TMEM177: variants seen among roughly 807,000 people sequenced by gnomAD.
TMEM177 encodes the protein transmembrane protein 177.
Under a neutral mutation model 14.2 loss-of-function variants are expected in TMEM177, and 4 were observed. That is an observed-to-expected ratio of 0.28 (90% CI 0.14 to 0.64). The LOEUF is 0.64. Among genes scored for constraint, TMEM177 ranks in the 30% least tolerant of loss-of-function variants. The probability of loss-of-function intolerance (pLI) is 0.82; values close to 1 mark genes in which losing one functional copy is unlikely to be tolerated. For missense variants in TMEM177, 344 were observed against 405.2 expected, an observed-to-expected ratio of 0.85 and a Z score of 1.30; for synonymous variants, 179 against 174.5, an observed-to-expected ratio of 1.03 and a Z score of -0.20.
At chr2:119,688,099 T>C (rs1272156853), downstream of TMEM177, among the ~76,000 whole-genome samples, 1 of 152,190 alleles carries the variant, frequency 6.6e-6, no homozygotes, top group African/African-American at 2.4e-5. Flanking sequence ...AGTATCCACT[T>C]GTTGAACATT....
the TMEM177 span, among the ~76,000 whole-genome samples, chr2:119,719,394 AGGCCAGG>A: frequency 6.6e-6 from 1 of 152,194 alleles, no homozygotes; most frequent in Admixed American, 6.5e-5. Context: ...AACCTCCCCA[AGGCCAGG>A]GGCTCAAGGA....
At chr2:119,704,175 C>A in the TMEM177 span, among the ~76,000 whole-genome samples, 1 of 152,194 alleles carries the variant, frequency 6.6e-6, no homozygotes, top group African/African-American at 2.4e-5. Flanking sequence ...CTAATAATGT[C>A]TCCATGGAAG....
chr2:119,688,349 A>C (rs1305856991), downstream of TMEM177, among the ~76,000 whole-genome samples: 1 of 152,226 alleles, frequency 6.6e-6, no homozygotes, highest in Admixed American at 6.5e-5. Context: ...ATTTACGGTC[A>C]CGCATCACTT....
the TMEM177 span, among the ~76,000 whole-genome samples, chr2:119,696,701 A>T: frequency 2.6e-5 from 4 of 152,190 alleles, no homozygotes; most frequent in Non-Finnish European, 4.4e-5. Context: ...GTGACGATGG[A>T]GCAAAGAGGA....
At chr2:119,719,822 C>T in the TMEM177 span, among the ~76,000 whole-genome samples, 1 of 152,174 alleles carries the variant, frequency 6.6e-6, no homozygotes, top group Admixed American at 6.5e-5. Flanking sequence ...GAGACAGTAT[C>T]TCACTCTGTC....
At position 119,681,273 on chromosome 2, in the gene TMEM177, A is replaced by G; in HGVS notation, c.420A>G (p.Arg140=). 6.2e-7 allele frequency: 1 copy of G among 1,614,206 alleles called. No individual in the cohort carries two copies. The highest frequency in any genetic ancestry group is 2.2e-5 in the East Asian group (1 of 44,870). The change falls in exon 2 of 2, where the codon AGA becomes AGG. Residue 140 remains arginine, a synonymous_variant. Transcript: ENST00000272521. The stretch of plus-strand genomic sequence containing the variant: ...GGAGCCCAGCAGGCGCCCGGCTGAG[A>G]GCTTCCCTGACCTTGTCCCGTGAAG... ...DWRSPAGARL[R]ASLTLSREAQ... is the part of the protein sequence containing the mutation.
intron 1 of TMEM177, 97 bp from the exon 2 acceptor site, chr2:119,680,735 G>A (rs1688872348): frequency 1.1e-6 from 1 of 902,114 alleles, no homozygotes; most frequent in Non-Finnish European, 1.7e-6. Context: ...ACTATGCTGT[G>A]TTACTTTGGT....
chr2:119,701,896 G>T, the TMEM177 span, among the ~76,000 whole-genome samples: 1 of 152,204 alleles, frequency 6.6e-6, no homozygotes, highest in African/African-American at 2.4e-5. Context: ...GTTCCTGGGT[G>T]GGACAGCAGA....
At chr2:119,683,810 C>T (rs1009205470), downstream of TMEM177, among the ~76,000 whole-genome samples, 3 of 152,200 alleles carry the variant, frequency 2.0e-5, no homozygotes, top group African/African-American at 4.8e-5. Flanking sequence ...CTGCACTGTT[C>T]GCATCCTCCA....
the TMEM177 span, among the ~76,000 whole-genome samples, chr2:119,696,391 G>A: frequency 6.6e-6 from 1 of 152,110 alleles, no homozygotes; most frequent in African/African-American, 2.4e-5. Context: ...CACGGTGTGG[G>A]GGCAGTGCTT....
chr2:119,681,425 TG>T lies in TMEM177; in HGVS notation c.576del (p.Leu193SerfsTer6). 1 of 1,613,952 alleles carries T rather than the reference TG, an allele frequency of 6.2e-7. No individual in the cohort carries two copies. The highest frequency in any genetic ancestry group is 8.5e-7 in the Non-Finnish European group (1 of 1,180,020). On this transcript the variant is annotated frameshift_variant, in exon 2 of 2. Coordinates refer to ENST00000272521, the MANE Select transcript of TMEM177 (RefSeq NM_030577.3). LOFTEE classifies it high-confidence loss of function. ...CTGGGCGTGGGTGCCAAGTACACCC[TG>T]GGGCTCCATGCAGGCCCCATGAATT... Reference protein sequence around the residue: ...WALGVGAKYTLGLHAGPMNLR... With the variant: ...WALGVGAKYTXGLHAGPMNLR...
chr2:119,694,065 TACAC>T, the TMEM177 span, among the ~76,000 whole-genome samples: 103,990 of 134,900 alleles, frequency 0.77, 38,346 homozygotes, highest in East Asian at 0.85. Flanking sequence ...ACATGCAACA[TACAC>T]ACACAACATA....
At chr2:119,709,508 T>C in the TMEM177 span, among the ~76,000 whole-genome samples, 1 of 152,038 alleles carries the variant, frequency 6.6e-6, no homozygotes, top group Non-Finnish European at 1.5e-5. Context: ...AGATCCTATA[T>C]CTACAAAAAA....
At chr2:119,689,383 G>C (rs1689062424), downstream of TMEM177, among the ~76,000 whole-genome samples, 1 of 152,216 alleles carries the variant, frequency 6.6e-6, no homozygotes, top group Non-Finnish European at 1.5e-5. Flanking sequence ...GAGGAGGGCA[G>C]CCAACTCAGC....
At chr2:119,683,573 G>A (rs561011545), downstream of TMEM177, among the ~76,000 whole-genome samples, 2 of 152,232 alleles carry the variant, frequency 1.3e-5, no homozygotes, top group Non-Finnish European at 2.9e-5. Context: ...GATGGTTTCA[G>A]GCATTCCTGC....
the TMEM177 span, among the ~76,000 whole-genome samples, chr2:119,711,882 G>T: frequency 1.3e-5 from 2 of 152,128 alleles, no homozygotes; most frequent in African/African-American, 4.8e-5. Context: ...AGATGACCTG[G>T]AACACAAATA....
the TMEM177 span, among the ~76,000 whole-genome samples, chr2:119,713,073 C>CTTTTTT: frequency 6.8e-6 from 1 of 146,534 alleles, no homozygotes; most frequent in Non-Finnish European, 1.5e-5. Flanking sequence ...TAATGGTTTT[C>CTTTTTT]TTTTTTTTTT....
At chr2:119,692,657 C>G in the TMEM177 span, among the ~76,000 whole-genome samples, 1 of 152,350 alleles carries the variant, frequency 6.6e-6, no homozygotes, top group Non-Finnish European at 1.5e-5. Context: ...CCTTCTCATT[C>G]AGCCACCATG....
At chr2:119,699,953 TC>T in the TMEM177 span, 1 of 409,868 alleles carries the variant, frequency 2.4e-6, no homozygotes, top group Admixed American at 2.4e-5. Context: ...ATTGAGCACA[TC>T]CAGGTGAATA....
Sources: allele counts gnomAD v4.1 joint callset (sites outside exome capture counted in the v4.1 genomes callset), GRCh38; gene constraint gnomAD v4.1.1; transcripts MANE v1.5; gene names NCBI Gene and HGNC (gene_info 2026-07-23, HGNC 2026-07-21).